HACD3: variants seen among roughly 807,000 people sequenced by gnomAD.
HACD3 encodes the protein very-long-chain (3R)-3-hydroxyacyl-CoA dehydratase 3.
In HACD3, 30 loss-of-function variants were observed where a neutral mutation model predicts 55.2. The observed-to-expected ratio is 0.54, with a 90% CI of 0.41 to 0.74. The LOEUF is 0.74. Ranked by LOEUF, HACD3 falls within the 30% of genes least tolerant of loss-of-function variation. The pLI, the probability that HACD3 is intolerant of heterozygous loss-of-function variation, is 0.00. For missense variants in HACD3, 363 were observed against 440.1 expected (o/e 0.82, Z 1.57); for synonymous variants, 141 against 151.7 (o/e 0.93, Z 0.52).
rs1317079502 is a variant in HACD3, at chr15:65,556,739, C to G, written c.205C>G (p.Pro69Ala). Residue 69 changes from proline to alanine, a missense_variant and splice_region_variant, in exon 4 of 11, where the codon CCT (proline) becomes GCT (alanine). Physicochemically the swap from Pro to Ala is conservative, Grantham distance 27. Coordinates refer to ENST00000261875, the MANE Select transcript of HACD3 (RefSeq NM_016395.4). Reference protein sequence around the residue: ...LEFLDLVKPEPVYKLTQRQVN... With the variant: ...LEFLDLVKPEAVYKLTQRQVN... ...CTCACATTTTCACTTTCTCTCCTAG[C>G]CTGTTTACAAACTGACCCAGAGGCA... 1.2e-6 allele frequency: 2 copies of G among 1,604,990 alleles called. No homozygotes were observed. The highest frequency in any genetic ancestry group is 8.5e-7 in the Non-Finnish European group (1 of 1,173,950).
intron 7 of HACD3, among the ~76,000 whole-genome samples, chr15:65,567,586 C>A (rs80312207): frequency 0.063 from 9,509 of 152,134 alleles, 308 homozygotes; most frequent in African/African-American, 0.09. Flanking sequence ...TTTGAAAAAA[C>A]AGAGGGCCAT....
At chr15:65,549,215 TTGC>T (rs2072106998) in intron 1 of HACD3, among the ~76,000 whole-genome samples, 1 of 152,160 alleles carries the variant, frequency 6.6e-6, no homozygotes, top group Non-Finnish European at 1.5e-5. Flanking sequence ...GAAACTGCTT[TTGC>T]CTTGCGAACA....
intron 1 of HACD3, among the ~76,000 whole-genome samples, chr15:65,548,550 A>G (rs1045508329): frequency 6.6e-6 from 1 of 151,082 alleles, no homozygotes; most frequent in Non-Finnish European, 1.5e-5. Flanking sequence ...AGATGATTTG[A>G]AAATTTTCGT....
At chr15:65,571,309 C>T (rs1007416415) in intron 8 of HACD3, among the ~76,000 whole-genome samples, 4 of 151,940 alleles carry the variant, frequency 2.6e-5, no homozygotes, top group South Asian at 2.1e-4. Context: ...GTCCGTTTAC[C>T]GAATAAAGAG....
chr15:65,535,701 T>TC, intron 1 of HACD3: 1 of 425,126 alleles, frequency 2.4e-6, no homozygotes, highest in South Asian at 4.5e-5. Context: ...ATGTTAACTT[T>TC]TTTTTTTTTT....
chr15:65,542,097 C>T (rs28718240), intron 1 of HACD3, among the ~76,000 whole-genome samples: 142,159 of 151,316 alleles, frequency 0.94, 66,778 homozygotes, highest in Admixed American at 0.96. Context: ...GGCGTGGTGG[C>T]ATGTTCCTGT....
chr15:65,537,934 G>GA (rs1167167112), intron 1 of HACD3, among the ~76,000 whole-genome samples: 40 of 23,946 alleles, frequency 1.7e-3, no homozygotes, highest in African/African-American at 5.2e-3. Context: ...CAACTTCTCA[G>GA]AAAAAAAAAA....
At chr15:65,535,291 A>C (rs892280530) in intron 1 of HACD3, among the ~76,000 whole-genome samples, 1 of 152,246 alleles carries the variant, frequency 6.6e-6, no homozygotes, top group African/African-American at 2.4e-5. Context: ...TGCAGTGCAT[A>C]TCATTGAGAG....
At position 65,576,417 on chromosome 15, in the gene HACD3, T is replaced by A; in HGVS notation, c.*38T>A. On this transcript the variant is annotated 3_prime_UTR_variant, in exon 11 of 11. Coordinates refer to ENST00000261875, the MANE Select transcript of HACD3 (RefSeq NM_016395.4). ...AGATGGCTTCTTGCCAGTTTGAGCC[T>A]AATCTGATTCTTACAGTTTTACCTT... The A allele has an allele frequency of 6.5e-7, 1 of 1,541,740 alleles. No individual in the cohort carries two copies. The highest frequency in any genetic ancestry group is 8.7e-7 in the Non-Finnish European group (1 of 1,144,748).
At chr15:65,551,484 TTAGA>T (rs2072132043) in intron 1 of HACD3, among the ~76,000 whole-genome samples, 188 bp from the exon 2 acceptor site, 1 of 152,202 alleles carries the variant, frequency 6.6e-6, no homozygotes, top group African/African-American at 2.4e-5. Flanking sequence ...GTCTGCAGTC[TTAGA>T]TAGGTACAGA....
chr15:65,539,490 G>A (rs895286448), intron 1 of HACD3, among the ~76,000 whole-genome samples: 7 of 152,116 alleles, frequency 4.6e-5, no homozygotes, highest in Non-Finnish European at 7.4e-5. Flanking sequence ...CAAAGCGCTA[G>A]GATTACAGAC....
At chr15:65,533,988 T>C (rs1157449813) in intron 1 of HACD3, among the ~76,000 whole-genome samples, 1 of 151,392 alleles carries the variant, frequency 6.6e-6, no homozygotes, top group Non-Finnish European at 1.5e-5. Flanking sequence ...GAGGTGGAGC[T>C]TGCAGTGAGC....
intron 3 of HACD3, among the ~76,000 whole-genome samples, chr15:65,556,203 T>A (rs2072186770): frequency 6.6e-6 from 1 of 152,192 alleles, no homozygotes; most frequent in Non-Finnish European, 1.5e-5. Context: ...CTGTTATTAT[T>A]ACATTGTAAT....
intron 1 of HACD3, among the ~76,000 whole-genome samples, chr15:65,545,210 CCTT>C (rs938956705): frequency 6.6e-6 from 1 of 152,044 alleles, no homozygotes; most frequent in Non-Finnish European, 1.5e-5. Context: ...CTGGCAGTCA[CCTT>C]CTCAATTTAA....
chr15:65,530,765 G>C lies in HACD3; in HGVS notation c.87+47G>C. On this transcript the variant is annotated intron_variant, in intron 1 of 10. Transcript: ENST00000261875. Reference sequence around the variant, plus strand: ...GGGAAGCGCGCGGGATCGCGGCTCCGGGTACCCGCCAGGACCCCTGCCCCC... The same window carrying C: ...GGGAAGCGCGCGGGATCGCGGCTCCCGGTACCCGCCAGGACCCCTGCCCCC... 3 of 1,501,634 alleles carry C rather than the reference G, an allele frequency of 2.0e-6. No homozygotes were observed. In the East Asian group the frequency reaches 7.9e-5, roughly 40 times the overall value. The allele number at this position is 1,501,634 out of a possible 1,614,324, so 93.0% of individuals were successfully genotyped here.
chr15:65,567,034 A>C (rs1226750230), intron 7 of HACD3: 1 of 152,130 alleles, frequency 6.6e-6, no homozygotes, highest in Admixed American at 6.6e-5. Flanking sequence ...CAAACTTTAA[A>C]ATTTACAGCC....
intron 1 of HACD3, among the ~76,000 whole-genome samples, chr15:65,540,334 G>C (rs2072008074): frequency 6.6e-6 from 1 of 152,128 alleles, no homozygotes; most frequent in African/African-American, 2.4e-5. Context: ...TTCAGATTGA[G>C]GGAGACAGAC....
intron 1 of HACD3, among the ~76,000 whole-genome samples, chr15:65,532,566 A>G (rs1411549730): frequency 6.7e-6 from 1 of 148,250 alleles, no homozygotes; most frequent in Non-Finnish European, 1.5e-5. Flanking sequence ...CGGGAGGCGG[A>G]GGTTGCGGTG....
At chr15:65,575,297 C>CT (rs1175820768) in intron 10 of HACD3, among the ~76,000 whole-genome samples, 2 of 151,462 alleles carry the variant, frequency 1.3e-5, no homozygotes, top group Non-Finnish European at 2.9e-5. Context: ...AAGCAATTCT[C>CT]TTGCCTCAGC....
Sources: gnomAD v4.1 joint callset for allele counts (sites outside exome capture counted in the v4.1 genomes callset) on GRCh38, gnomAD v4.1.1 for gene constraint, MANE v1.5 for transcripts, NCBI Gene and HGNC (gene_info 2026-07-23, HGNC 2026-07-21) for gene names.